PTPN21: variants seen among roughly 807,000 people sequenced by gnomAD.
PTPN21 encodes tyrosine-protein phosphatase non-receptor type 21.
In PTPN21, 77 loss-of-function variants were observed where a neutral mutation model predicts 131.8. The ratio of observed to expected loss-of-function variants is 0.58; its 90% CI spans 0.49 to 0.71. The LOEUF is 0.71. Ranked by LOEUF, PTPN21 falls within the 30% of genes least tolerant of loss-of-function variation. PTPN21 has a pLI of 0.00. For missense variants in PTPN21, 1,552 were observed against 1,527.1 expected (o/e 1.02, Z -0.27); for synonymous variants, 715 against 621.3 (o/e 1.15, Z -2.24).
Position 88,550,514 on chromosome 14 carries a change from G to C in PTPN21, c.-97C>G, listed in dbSNP as rs1459040590. 1.7e-6 allele frequency: 2 copies of C among 1,188,404 alleles called. No homozygotes were observed. Among genetic ancestry groups the C allele is most frequent in the Non-Finnish European group, 2.4e-6 (2 of 846,546 alleles). 73.6% of individuals were successfully genotyped at this position (1,188,404 alleles called of 1,614,324 possible). On this transcript the variant is annotated 5_prime_UTR_variant, in exon 2 of 19. Transcript: ENST00000556564. ...CAGGAGAAAGCGATCCTCTCCGGAT[G>C]GGACGAACACTGTCCGGCCTCCAGC...
At chr14:88,545,715 C>T (rs1213218018) in intron 2 of PTPN21, among the ~76,000 whole-genome samples, 1 of 152,200 alleles carries the variant, frequency 6.6e-6, no homozygotes, top group Non-Finnish European at 1.5e-5. Context: ...GTAATCCCAG[C>T]ACTTTGGGAG....
intron 11 of PTPN21, 22 bp downstream of exon 11, chr14:88,485,760 T>A: frequency 6.5e-7 from 1 of 1,544,062 alleles, no homozygotes; most frequent in Non-Finnish European, 8.9e-7. Flanking sequence ...AAAAAAGCAA[T>A]CATATTTTCC....
Position 88,480,324 on chromosome 14 carries a change from T to C in PTPN21, c.1107A>G (p.Gly369=), listed in dbSNP as rs759066122. ...QDNLFVPNQN[G]YYCHSQTSLD... ...AGCTTGTCTGAGAGTGACAGTAGTA[T>C]CCGTTCTGGTTGGGCACAAAGAGGT... Residue 369 remains glycine, a synonymous_variant, in exon 13 of 19, where the codon GGA becomes GGG. Transcript: ENST00000556564. 1.2e-6 allele frequency: 2 copies of C among 1,613,812 alleles called. No homozygotes were observed. The highest frequency in any genetic ancestry group is 1.1e-5 in the South Asian group (1 of 91,078).
chr14:88,476,967 T>C (rs1314745703), intron 13 of PTPN21, among the ~76,000 whole-genome samples: 1 of 152,136 alleles, frequency 6.6e-6, no homozygotes, highest in Non-Finnish European at 1.5e-5. Flanking sequence ...AAAATAGGCC[T>C]GAGTACTGAG....
chr14:88,494,649 G>A (rs116008625), intron 10 of PTPN21, among the ~76,000 whole-genome samples: 4 of 151,892 alleles, frequency 2.6e-5, no homozygotes, highest in Admixed American at 1.3e-4. Flanking sequence ...GGGTGACAGA[G>A]CTGTCTCAAA....
rs376901072 is a variant in PTPN21, at chr14:88,550,541, G to A, written c.-124C>T. 1.8e-5 allele frequency: 17 copies of A among 946,938 alleles called. No individual in the cohort carries two copies. Among genetic ancestry groups the A allele is most frequent in the East Asian group, 5.3e-5 (2 of 37,490 alleles). 58.7% of individuals were successfully genotyped at this position (946,938 alleles called of 1,614,324 possible). On this transcript the variant is annotated 5_prime_UTR_variant, in exon 2 of 19. Transcript: ENST00000556564. ...GACGAACACTGTCCGGCCTCCAGCT[G>A]CTCACCCAGCAGCCGCTGCCGCCAT... is the stretch of plus-strand genomic sequence containing the variant.
intron 4 of PTPN21, among the ~76,000 whole-genome samples, chr14:88,507,087 C>T (rs1241414240): frequency 6.6e-6 from 1 of 151,902 alleles, no homozygotes. Flanking sequence ...AGAACTTATT[C>T]ATGTAAGCAA....
At chr14:88,552,034 C>G (rs1330622466) in intron 1 of PTPN21, 1 of 152,300 alleles carries the variant, frequency 6.6e-6, no homozygotes, top group Non-Finnish European at 1.5e-5. Flanking sequence ...TTAGCGAGAC[C>G]CAGCCATAGC....
rs1461032239 is a variant in PTPN21 at position 88,483,538 on chromosome 14, A to G, written c.1078+1538T>C. Among the ~76,000 whole-genome samples the G allele has an allele frequency of 2.0e-5, 3 of 152,102 alleles. No individual in the cohort carries two copies. The East Asian group carries it at 5.8e-4, about 29-fold the overall frequency. ...TCATCTTTTACACCAGGGCCGACAC[A>G]AACAATACAGTCACATCCCACCTTC... is the stretch of plus-strand genomic sequence containing the variant. On this transcript the variant is annotated intron_variant, in intron 12 of 18. Coordinates refer to ENST00000556564, the MANE Select transcript of PTPN21 (RefSeq NM_007039.4).
At chr14:88,493,193 T>C in intron 10 of PTPN21, 1 of 409,418 alleles carries the variant, frequency 2.4e-6, no homozygotes, top group South Asian at 1.8e-5. Context: ...GCTCTCAGTA[T>C]AATGCTTGAC....
intron 3 of PTPN21, 132 bp from the exon 4 acceptor site, chr14:88,508,152 T>TTC (rs2078124450): frequency 6.0e-6 from 1 of 166,924 alleles, no homozygotes; most frequent in East Asian, 1.1e-4. Flanking sequence ...TTGTGTGTGT[T>TTC]TTTTTTTTTT....
intron 5 of PTPN21, 69 bp from the exon 6 acceptor site, chr14:88,504,564 T>G: frequency 4.8e-6 from 6 of 1,239,302 alleles, no homozygotes; most frequent in Non-Finnish European, 7.1e-6. Flanking sequence ...TCATGGCCAT[T>G]GACTGTTAAT....
rs2078006367 is a variant in PTPN21 at position 88,501,465 on chromosome 14, C to T, written c.588-97G>A. On this transcript the variant is annotated intron_variant, in intron 6 of 18. Coordinates refer to ENST00000556564, the MANE Select transcript of PTPN21 (RefSeq NM_007039.4). Reference sequence around the variant, plus strand: ...ACCTATATGTCAATTTAGCATAAGACATTATAAACATTTCACGTTTCTAAG... The same window carrying T: ...ACCTATATGTCAATTTAGCATAAGATATTATAAACATTTCACGTTTCTAAG... The T allele has an allele frequency of 4.9e-6, 5 of 1,017,364 alleles. No homozygotes were observed. The South Asian group carries it at 5.6e-5, about 11-fold the overall frequency. The allele number at this position is 1,017,364 out of a possible 1,614,324, so 63.0% of individuals were successfully genotyped here. A position where few individuals can be genotyped will look rare whatever the true frequency, so the allele number is the denominator to read the frequency against.
intron 3 of PTPN21, among the ~76,000 whole-genome samples, chr14:88,516,706 C>A (rs1395194699): frequency 6.6e-6 from 1 of 152,122 alleles, no homozygotes; most frequent in African/African-American, 2.4e-5. Context: ...ATTCTAGGAG[C>A]CTTTCAGCAC....
At chr14:88,551,949 C>G (rs2078875655) in intron 1 of PTPN21, 1 of 152,244 alleles carries the variant, frequency 6.6e-6, no homozygotes, top group Non-Finnish European at 1.5e-5. Context: ...CTACAAAATC[C>G]CGGACATTTC....
intron 2 of PTPN21, among the ~76,000 whole-genome samples, chr14:88,532,207 A>C (rs1595407680): frequency 6.6e-6 from 1 of 152,174 alleles, no homozygotes; most frequent in Admixed American, 6.5e-5. Flanking sequence ...TACCAATCCT[A>C]CTGAAACTAT....
chr14:88,542,105 G>A (rs2078715766), intron 2 of PTPN21, among the ~76,000 whole-genome samples: 1 of 151,998 alleles, frequency 6.6e-6, no homozygotes, highest in Admixed American at 6.6e-5. Context: ...TCAAATCCTG[G>A]GTCTTTTGCT....
At position 88,543,224 on chromosome 14, in the gene PTPN21, A is replaced by C. The variant is rs115834453; in HGVS notation, c.180+7014T>G. On this transcript the variant is annotated intron_variant, in intron 2 of 18. Transcript: ENST00000556564. ...GCTTGATTCCTCTCTATTCTAACAAATCCCCTAGCGAAAAAATATCCCCAT... is the reference window on the plus strand; with the variant it reads ...GCTTGATTCCTCTCTATTCTAACAACTCCCCTAGCGAAAAAATATCCCCAT... Among the ~76,000 whole-genome samples, 744 of 152,208 alleles carry C rather than the reference A, an allele frequency of 4.9e-3. 7 individuals carry two copies. The highest frequency in any genetic ancestry group is 0.017 in the African/African-American group (689 of 41,506).
In PTPN21 at chr14:88,472,287, GT is replaced by G; in HGVS notation, c.2827del (p.Thr943LeufsTer51). 1 of 1,613,746 alleles carries G rather than the reference GT, an allele frequency of 6.2e-7. No homozygotes were observed. Among genetic ancestry groups the G allele is most frequent in the Non-Finnish European group, 8.5e-7 (1 of 1,179,728 alleles). Reference sequence around the variant, plus strand: ...GATGTAACCAGTGTTGTTTTCTTTAGTTGGGACCAACTCCACTCTCACATCA... The same window carrying G: ...GATGTAACCAGTGTTGTTTTCTTTAGTGGGACCAACTCCACTCTCACATCA... ...YDDVRVELVP[T>X]KENNTGYINA... On this transcript the variant is annotated frameshift_variant, in exon 15 of 19. Coordinates refer to ENST00000556564, the MANE Select transcript of PTPN21 (RefSeq NM_007039.4). LOFTEE classifies it high-confidence loss of function.
Sources: allele counts gnomAD v4.1 joint callset (sites outside exome capture counted in the v4.1 genomes callset), GRCh38; gene constraint gnomAD v4.1.1; transcripts MANE v1.5; gene names NCBI Gene and HGNC (gene_info 2026-07-23, HGNC 2026-07-21).